Variants in CYRIA observed in about 807,000 individuals in gnomAD.
CYRIA encodes the protein CYFIP related Rac1 interactor A, also known as CYFIP-related Rac1 interactor A.
CYRIA carries 15 observed loss-of-function variants against 43.9 expected under a neutral mutation model. The observed-to-expected ratio is 0.34, with a 90% CI of 0.23 to 0.53. CYRIA has a LOEUF of 0.53. CYRIA is among the 20% of genes least tolerant of loss of function. CYRIA has a pLI of 0.94. For synonymous variants in CYRIA, 117 were observed against 136.0 expected, an observed-to-expected ratio of 0.86 and a Z score of 0.97; for missense variants, 236 against 394.2, an observed-to-expected ratio of 0.60 and a Z score of 3.40.
At chr2:16,649,270 A>G (rs1669901911) in intron 1 of CYRIA, among the ~76,000 whole-genome samples, 1 of 152,186 alleles carries the variant, frequency 6.6e-6, no homozygotes, top group East Asian at 1.9e-4. Context: ...GCAGATTTTG[A>G]TATCTTGGGA....
At chr2:16,572,900 C>G (rs977383533) in intron 3 of CYRIA, among the ~76,000 whole-genome samples, 1 of 152,236 alleles carries the variant, frequency 6.6e-6, no homozygotes, top group Non-Finnish European at 1.5e-5. Flanking sequence ...CTGTTACAGA[C>G]TTCTTCCCTA....
intron 2 of CYRIA, among the ~76,000 whole-genome samples, chr2:16,616,264 AT>A (rs929455735): frequency 6.6e-6 from 1 of 152,136 alleles, no homozygotes; most frequent in African/African-American, 2.4e-5. Flanking sequence ...GCCTGCAGGC[AT>A]TTGCACTGAA....
intron 1 of CYRIA, among the ~76,000 whole-genome samples, chr2:16,642,162 T>C (rs1669696023): frequency 1.3e-5 from 2 of 152,136 alleles, no homozygotes; most frequent in Non-Finnish European, 2.9e-5. Context: ...ATAAATACCA[T>C]ATTTATATTT....
In CYRIA at chr2:16,627,651, A is replaced by G. The variant is rs113905535; in HGVS notation, c.-166-3632T>C. Reference sequence around the variant, plus strand: ...AGTCTGGCTCAAATTCTGCAAAGCCAAATAGTGGAAAGAAAGAGAATAAAG... The same window carrying G: ...AGTCTGGCTCAAATTCTGCAAAGCCGAATAGTGGAAAGAAAGAGAATAAAG... On this transcript the variant is annotated intron_variant, in intron 1 of 11. Coordinates refer to ENST00000381323, the MANE Select transcript of CYRIA (RefSeq NM_030797.4). Among the ~76,000 whole-genome samples the G allele has an allele frequency of 2.8e-3, 432 of 152,356 alleles. 3 individuals carry two copies. The highest frequency in any genetic ancestry group is 8.4e-3 in the African/African-American group (348 of 41,592).
intron 3 of CYRIA, among the ~76,000 whole-genome samples, chr2:16,577,334 T>C (rs1156963988): frequency 1.3e-5 from 2 of 152,300 alleles, no homozygotes; most frequent in East Asian, 3.9e-4. Context: ...AATTTAGATA[T>C]ATATCTGTAA....
intron 3 of CYRIA, among the ~76,000 whole-genome samples, chr2:16,567,424 CAAT>C (rs1210334681): frequency 2.0e-5 from 3 of 151,986 alleles, no homozygotes; most frequent in Non-Finnish European, 2.9e-5. Flanking sequence ...ACAACAACAA[CAAT>C]GAAACAAAAC....
rs138217773 is a variant in CYRIA at position 16,600,011 on chromosome 2, C to A, written c.-10-11882G>T. Among the ~76,000 whole-genome samples, 1,200 of 152,294 alleles carry A rather than the reference C, an allele frequency of 7.9e-3. 19 individuals are homozygous for A. The highest frequency in any genetic ancestry group is 0.027 in the African/African-American group (1,120 of 41,568). ...CCTCAGGTGATCCACCCGCCTCGGT[C>A]TCCCAAAGTGCTGGGATTACAGGCG... On this transcript the variant is annotated intron_variant, in intron 2 of 11. Transcript: ENST00000381323.
At chr2:16,620,211 G>A (rs560697218) in intron 2 of CYRIA, among the ~76,000 whole-genome samples, 33 of 152,356 alleles carry the variant, frequency 2.2e-4, no homozygotes, top group African/African-American at 7.7e-4. Flanking sequence ...TCAGTGGAGA[G>A]AGGGTTAAGG....
chr2:16,603,528 C>A (rs1302032764), intron 2 of CYRIA, among the ~76,000 whole-genome samples: 1 of 152,120 alleles, frequency 6.6e-6, no homozygotes, highest in African/African-American at 2.4e-5. Context: ...AAGATCAGGA[C>A]CCTTGGAAGG....
intron 1 of CYRIA, among the ~76,000 whole-genome samples, chr2:16,636,528 C>T (rs1669503114): frequency 6.6e-6 from 1 of 152,118 alleles, no homozygotes; most frequent in African/African-American, 2.4e-5. Flanking sequence ...GGCCAACTGC[C>T]CCAGGCCCGG....
At chr2:16,585,831 G>T (rs1200228757) in intron 3 of CYRIA, among the ~76,000 whole-genome samples, 1 of 152,122 alleles carries the variant, frequency 6.6e-6, no homozygotes, top group Non-Finnish European at 1.5e-5. Flanking sequence ...TATGGTGGGG[G>T]GATGGAATTT....
At chr2:16,613,331 T>C (rs532625179) in intron 2 of CYRIA, among the ~76,000 whole-genome samples, 2 of 152,334 alleles carry the variant, frequency 1.3e-5, no homozygotes, top group African/African-American at 4.8e-5. Context: ...CTTTTCATAA[T>C]GCATACCTGA....
chr2:16,635,943 G>A (rs530746042), intron 1 of CYRIA, among the ~76,000 whole-genome samples: 1 of 152,238 alleles, frequency 6.6e-6, no homozygotes, highest in Non-Finnish European at 1.5e-5. Flanking sequence ...CAAACCACCA[G>A]AAGCAGAAAC....
chr2:16,638,165 GA>G (rs1334582522), intron 1 of CYRIA, among the ~76,000 whole-genome samples: 1 of 152,184 alleles, frequency 6.6e-6, no homozygotes, highest in Non-Finnish European at 1.5e-5. Context: ...CAGTAAGAAG[GA>G]GAAGGAATCT....
chr2:16,665,647 C>A (rs1457321129), intron 1 of CYRIA, 133 bp downstream of exon 1: 2 of 151,938 alleles, frequency 1.3e-5, no homozygotes, highest in African/African-American at 4.8e-5. Context: ...GCAGGGGCGT[C>A]CGGGAGGAGA....
intron 1 of CYRIA, among the ~76,000 whole-genome samples, chr2:16,663,560 T>A (rs1670318498): frequency 6.7e-6 from 1 of 149,900 alleles, no homozygotes. Context: ...AGCTATGAAC[T>A]CCTTGCCCAG....
At chr2:16,565,175 C>CT (rs367672971) in intron 4 of CYRIA, among the ~76,000 whole-genome samples, 3,311 of 139,652 alleles carry the variant, frequency 0.024, 58 homozygotes, top group African/African-American at 0.05. Context: ...GATTCATGCT[C>CT]TTTTTTTTTT....
intron 1 of CYRIA, among the ~76,000 whole-genome samples, chr2:16,648,944 A>G (rs1358069189): frequency 3.3e-5 from 5 of 152,238 alleles, no homozygotes; most frequent in Admixed American, 2.0e-4. Flanking sequence ...ACCGTGTTTA[A>G]TAAGCTTACA....
intron 1 of CYRIA, among the ~76,000 whole-genome samples, chr2:16,654,551 A>G (rs1485184623): frequency 6.6e-6 from 1 of 152,168 alleles, no homozygotes; most frequent in Non-Finnish European, 1.5e-5. Flanking sequence ...TGGTATGGAA[A>G]CGTGTAGAAG....
Sources: gnomAD v4.1 joint callset for allele counts (sites outside exome capture counted in the v4.1 genomes callset) on GRCh38, gnomAD v4.1.1 for gene constraint, MANE v1.5 for transcripts, NCBI Gene and HGNC (gene_info 2026-07-23, HGNC 2026-07-21) for gene names.